CTNND2: variants seen among roughly 807,000 people sequenced by gnomAD.
The protein encoded by CTNND2 is catenin delta 2.
Under a neutral mutation model 144.4 loss-of-function variants are expected in CTNND2, and 22 were observed. That is an observed-to-expected ratio of 0.15 (90% confidence interval 0.11 to 0.22). CTNND2 has a LOEUF of 0.22. Among genes scored for constraint, CTNND2 ranks in the 10% least tolerant of loss-of-function variants. CTNND2 has a pLI of 1.00. For synonymous variants in CTNND2, 751 were observed against 695.6 expected (o/e 1.08, Z -1.25); for missense variants, 1,353 against 1,618.8 (o/e 0.84, Z 2.82).
At chr5:11,816,320 G>A (rs1337934224) in intron 1 of CTNND2, among the ~76,000 whole-genome samples, 1 of 152,046 alleles carries the variant, frequency 6.6e-6, no homozygotes, top group Non-Finnish European at 1.5e-5. Flanking sequence ...GAGAGATCCT[G>A]TCCCCAAGGG....
chr5:11,446,280 C>T (rs1232942160), intron 3 of CTNND2, among the ~76,000 whole-genome samples: 1 of 152,128 alleles, frequency 6.6e-6, no homozygotes, highest in Admixed American at 6.6e-5. Context: ...GTACTAGATG[C>T]AAAATTTTAA....
intron 1 of CTNND2, among the ~76,000 whole-genome samples, chr5:11,897,241 A>C (rs950500118): frequency 6.6e-6 from 1 of 152,240 alleles, no homozygotes; most frequent in Non-Finnish European, 1.5e-5. Flanking sequence ...TGTTGAAGGT[A>C]ATGACTGCTA....
intron 1 of CTNND2, among the ~76,000 whole-genome samples, chr5:11,883,799 A>G (rs1209660502): frequency 6.6e-6 from 1 of 152,204 alleles, no homozygotes; most frequent in South Asian, 2.1e-4. Flanking sequence ...TCCCAACAAC[A>G]GTGTAAAAGC....
chr5:11,657,358 G>A (rs1021739969), intron 2 of CTNND2, among the ~76,000 whole-genome samples: 4 of 151,920 alleles, frequency 2.6e-5, no homozygotes, highest in African/African-American at 7.3e-5. Context: ...AAATAAACAC[G>A]TGAAGTAATA....
At chr5:11,382,601 G>GTGTGTGTGTA (rs1758620844) in intron 7 of CTNND2, among the ~76,000 whole-genome samples, 1 of 59,334 alleles carries the variant, frequency 1.7e-5, no homozygotes, top group Non-Finnish European at 4.1e-5. Context: ...GACTCTGTGT[G>GTGTGTGTGTA]TGTGTGTGTG....
intron 12 of CTNND2, among the ~76,000 whole-genome samples, chr5:11,138,271 G>T (rs150794899): frequency 8.3e-4 from 127 of 152,250 alleles, no homozygotes; most frequent in African/African-American, 2.9e-3. Flanking sequence ...TGATTAGACT[G>T]GGCCCACTGG....
At position 11,516,733 on chromosome 5, in the gene CTNND2, T is replaced by C. The variant is rs77573465; in HGVS notation, c.287+48211A>G. Reference sequence around the variant, plus strand: ...ACAAGAAAAGTTAATATTGTTACAATGGCAATACTTGCCCAATTAATCTAC... The same window carrying C: ...ACAAGAAAAGTTAATATTGTTACAACGGCAATACTTGCCCAATTAATCTAC... On this transcript the variant is annotated intron_variant, in intron 3 of 21. Transcript: ENST00000304623. 8.2e-3 allele frequency among the ~76,000 whole-genome samples: 1,244 copies of C among 152,310 alleles called. 22 individuals are homozygous for C. The highest frequency in any genetic ancestry group is 0.028 in the African/African-American group (1,173 of 41,584).
At chr5:11,319,869 G>A (rs1751863659) in intron 9 of CTNND2, among the ~76,000 whole-genome samples, 1 of 152,066 alleles carries the variant, frequency 6.6e-6, no homozygotes, top group Non-Finnish European at 1.5e-5. Context: ...TGTTTTTTTG[G>A]ATTTTCTTCA....
chr5:11,713,198 T>A (rs898672494), intron 2 of CTNND2, among the ~76,000 whole-genome samples: 10 of 152,240 alleles, frequency 6.6e-5, no homozygotes, highest in African/African-American at 2.4e-4. Context: ...AAATAACATT[T>A]GTTTTTGTTG....
chr5:11,482,760 CTG>C (rs1260179479), intron 3 of CTNND2, among the ~76,000 whole-genome samples: 1 of 152,074 alleles, frequency 6.6e-6, no homozygotes, highest in Non-Finnish European at 1.5e-5. Flanking sequence ...AACCAGGAGA[CTG>C]TTGTAGCAAA....
chr5:11,679,821 G>A (rs1784345163), intron 2 of CTNND2, among the ~76,000 whole-genome samples: 1 of 152,188 alleles, frequency 6.6e-6, no homozygotes, highest in Non-Finnish European at 1.5e-5. Flanking sequence ...TCATAAAACT[G>A]AGGAATGACA....
At chr5:11,421,967 C>A (rs75368038) in intron 3 of CTNND2, among the ~76,000 whole-genome samples, 3 of 152,046 alleles carry the variant, frequency 2.0e-5, no homozygotes, top group Non-Finnish European at 2.9e-5. Flanking sequence ...GTATAAAACA[C>A]GAAAAATCCA....
At position 11,149,122 on chromosome 5, in the gene CTNND2, G is replaced by A. The variant is rs1423965561; in HGVS notation, c.2159+10454C>T. Among the ~76,000 whole-genome samples the A allele has an allele frequency of 3.9e-5, 6 of 152,138 alleles. No individual in the cohort carries two copies. The South Asian group carries it at 6.2e-4, about 16-fold the overall frequency. ...AGCAATGCGACAGGCCACACACCAC[G>A]CCTCCTGGCAGGCCTCAAAAGGACA... On this transcript the variant is annotated intron_variant, in intron 12 of 21. Coordinates refer to ENST00000304623, the MANE Select transcript of CTNND2 (RefSeq NM_001332.4).
intron 5 of CTNND2, among the ~76,000 whole-genome samples, chr5:11,399,985 C>G (rs1467939251): frequency 6.6e-6 from 1 of 152,142 alleles, no homozygotes; most frequent in African/African-American, 2.4e-5. Flanking sequence ...TTCTTAACTA[C>G]TTTATAATGA....
At chr5:11,090,546 T>C (rs1750663221) in intron 15 of CTNND2, among the ~76,000 whole-genome samples, 1 of 152,172 alleles carries the variant, frequency 6.6e-6, no homozygotes, top group African/African-American at 2.4e-5. Flanking sequence ...ACAAACCCTA[T>C]TGTGAACTGT....
chr5:11,756,872 T>C (rs1788972981), intron 1 of CTNND2, among the ~76,000 whole-genome samples: 2 of 151,704 alleles, frequency 1.3e-5, no homozygotes, highest in Non-Finnish European at 3.0e-5. Context: ...TTAGTTGTTA[T>C]GTGAAAAGTC....
rs980594297 is a variant in CTNND2 at position 11,435,471 on chromosome 5, G to A, written c.288-23402C>T. Among the ~76,000 whole-genome samples, 7 of 152,026 alleles carry A rather than the reference G, an allele frequency of 4.6e-5. No homozygotes were observed. The South Asian group carries it at 6.2e-4, about 14-fold the overall frequency. ...GACAAACGTTTTCTGTAAAGGCACCGCTATTTCAGGCTTTACAAGCCCTAG... is the reference window on the plus strand; with the variant it reads ...GACAAACGTTTTCTGTAAAGGCACCACTATTTCAGGCTTTACAAGCCCTAG... On this transcript the variant is annotated intron_variant, in intron 3 of 21. Coordinates refer to ENST00000304623, the MANE Select transcript of CTNND2 (RefSeq NM_001332.4).
At chr5:11,418,626 C>T (rs1022242209) in intron 3 of CTNND2, among the ~76,000 whole-genome samples, 10 of 152,050 alleles carry the variant, frequency 6.6e-5, no homozygotes, top group East Asian at 1.9e-4. Context: ...TAAGAAGGGA[C>T]GAGATGATGA....
At chr5:11,204,887 A>G (rs1226976928) in intron 10 of CTNND2, among the ~76,000 whole-genome samples, 1 of 152,174 alleles carries the variant, frequency 6.6e-6, no homozygotes, top group Non-Finnish European at 1.5e-5. Flanking sequence ...CCAGGCATTC[A>G]GGGCAACAGA....
Sources: allele counts gnomAD v4.1 joint callset (sites outside exome capture counted in the v4.1 genomes callset), GRCh38; gene constraint gnomAD v4.1.1; transcripts MANE v1.5; gene names NCBI Gene and HGNC (gene_info 2026-07-23, HGNC 2026-07-21).